SAFB: variants seen among roughly 807,000 people sequenced by gnomAD.
SAFB encodes scaffold attachment factor B.
In SAFB, 15 loss-of-function variants were observed where a neutral mutation model predicts 101.6. The observed-to-expected ratio is 0.15, with a 90% CI of 0.10 to 0.23. SAFB has a LOEUF of 0.23. Ranked by LOEUF, SAFB falls within the 10% of genes least tolerant of loss-of-function variation. The probability of loss-of-function intolerance (pLI) is 1.00; values close to 1 mark genes in which losing one functional copy is unlikely to be tolerated. For synonymous variants in SAFB, 449 were observed against 407.5 expected, an observed-to-expected ratio of 1.10 and a Z score of -1.23; for missense variants, 930 against 1,104.1, an observed-to-expected ratio of 0.84 and a Z score of 2.23.
intron 15 of SAFB, 147 bp downstream of exon 15, chr19:5,661,955 G>C: frequency 1.5e-6 from 1 of 652,918 alleles, no homozygotes; most frequent in Non-Finnish European, 2.6e-6. Flanking sequence ...CCCGATCTTG[G>C]CTCACTGCAA....
intron 2 of SAFB, among the ~76,000 whole-genome samples, chr19:5,639,693 A>C (rs1455558151): frequency 2.9e-5 from 3 of 104,572 alleles, no homozygotes; most frequent in Non-Finnish European, 4.2e-5. Context: ...ACTCCGTCCC[A>C]AAAAAAAAAA....
chr19:5,640,159 G>C (rs1003511022), intron 2 of SAFB, among the ~76,000 whole-genome samples: 5 of 152,154 alleles, frequency 3.3e-5, no homozygotes, highest in African/African-American at 1.2e-4. Context: ...GGCTGGAGCC[G>C]AAGTTTTTAA....
chr19:5,667,775 G>A lies in SAFB; in HGVS notation c.2558-45G>A, dbSNP rs574785996. 11 of 1,602,062 alleles carry A rather than the reference G, an allele frequency of 6.9e-6. No homozygotes were observed. The East Asian group carries it at 8.9e-5, about 13-fold the overall frequency. On this transcript the variant is annotated intron_variant, in intron 19 of 20. Transcript: ENST00000588852. The surrounding 1 kb of genome is among the most constrained non-coding windows in gnomAD (Gnocchi z 4.0). ...GGGCTAAATGTGCCGTGGGTTCCACGCCGTGTGCGCAAGTTCCCTGTGTGA... is the reference window on the plus strand; with the variant it reads ...GGGCTAAATGTGCCGTGGGTTCCACACCGTGTGCGCAAGTTCCCTGTGTGA...
chr19:5,654,503 TTGTA>T (rs775291226), intron 13 of SAFB, 47 bp downstream of exon 13: 122 of 1,148,256 alleles, frequency 1.1e-4, no homozygotes, highest in Non-Finnish European at 1.5e-4. Flanking sequence ...TCTTTTCAGT[TTGTA>T]TTTCTGTGTG....
At chr19:5,641,153 A>T (rs1175737398) in intron 2 of SAFB, among the ~76,000 whole-genome samples, 1 of 152,202 alleles carries the variant, frequency 6.6e-6, no homozygotes, top group African/African-American at 2.4e-5. Context: ...TACAGGCGTA[A>T]GCCATCGCAT....
chr19:5,663,925 C>A, intron 15 of SAFB, 97 bp from the exon 16 acceptor site: 3 of 1,343,106 alleles, frequency 2.2e-6, no homozygotes, highest in Non-Finnish European at 3.1e-6. Flanking sequence ...TGAAAGTCAT[C>A]CTGGTTCTGT....
chr19:5,649,635 G>A (rs552251211), intron 7 of SAFB, 136 bp downstream of exon 7: 4 of 587,124 alleles, frequency 6.8e-6, no homozygotes, highest in Admixed American at 3.3e-5. Context: ...AGAATGTTTC[G>A]TTTCTCTTTG....
At chr19:5,633,329 C>T (rs1244162099) in intron 2 of SAFB, among the ~76,000 whole-genome samples, 2 of 152,162 alleles carry the variant, frequency 1.3e-5, no homozygotes, top group African/African-American at 4.8e-5. Context: ...GACAGGCTCC[C>T]CTGTCATTTC....
intron 17 of SAFB, chr19:5,665,311 C>T (rs2054303718): frequency 2.0e-5 from 3 of 152,138 alleles, no homozygotes; most frequent in Admixed American, 1.3e-4. Context: ...GGTGGAGGAG[C>T]ATACACCAAT....
At chr19:5,644,344 G>A (rs1056121840) in intron 4 of SAFB, among the ~76,000 whole-genome samples, 1 of 152,194 alleles carries the variant, frequency 6.6e-6, no homozygotes, top group East Asian at 1.9e-4. Flanking sequence ...TTTTACTGCA[G>A]TGTAACCATC....
chr19:5,667,051 CCCAGAACGCCATGGAGGA>C lies in SAFB; in HGVS notation c.2346_2363del (p.Gly786_Gly791del). 1 of 1,600,966 alleles carries C rather than the reference CCCAGAACGCCATGGAGGA, an allele frequency of 6.2e-7. No homozygotes were observed. Among genetic ancestry groups the C allele is most frequent in the Non-Finnish European group, 8.6e-7 (1 of 1,168,578 alleles). Reference sequence around the variant, plus strand: ...TCTGGCTCTGTGATGTCCAGCATTACCCAGAACGCCATGGAGGACCAGAGCGCCACGGCCGGGACTCCC... The same window carrying C: ...TCTGGCTCTGTGATGTCCAGCATTACCCAGAGCGCCACGGCCGGGACTCCC... On this transcript the variant is annotated inframe_deletion, in exon 18 of 21. Transcript: ENST00000588852. The surrounding 1 kb of genome is among the most constrained non-coding windows in gnomAD (Gnocchi z 4.0).
intron 8 of SAFB, 96 bp from the exon 9 acceptor site, chr19:5,650,882 G>A: frequency 1.2e-6 from 1 of 822,432 alleles, no homozygotes; most frequent in Admixed American, 2.4e-5. Context: ...ACTGCCTCAG[G>A]AAAAATGGGA....
At chr19:5,661,449 A>C (rs768361280) in intron 14 of SAFB, 69 bp from the exon 15 acceptor site, 2 of 1,585,402 alleles carry the variant, frequency 1.3e-6, no homozygotes, top group African/African-American at 2.7e-5. Context: ...CCAGCGTCTT[A>C]CTTAAAGTCA....
At chr19:5,658,107 C>T (rs1041700116) in intron 14 of SAFB, among the ~76,000 whole-genome samples, 1 of 152,152 alleles carries the variant, frequency 6.6e-6, no homozygotes, top group Non-Finnish European at 1.5e-5. Context: ...AAGCAGTTCT[C>T]CTGCCTCAGC....
chr19:5,652,390 G>A (rs555951262), intron 9 of SAFB, among the ~76,000 whole-genome samples: 236 of 152,250 alleles, frequency 1.6e-3, no homozygotes, highest in African/African-American at 5.5e-3. Context: ...CCTGGAGACT[G>A]TAGTGTCTTG....
chr19:5,667,048 T>G lies in SAFB; in HGVS notation c.2337T>G (p.His779Gln), dbSNP rs748285712. 3.8e-6 allele frequency: 6 copies of G among 1,595,578 alleles called. No homozygotes were observed. Among genetic ancestry groups the G allele is most frequent in the Non-Finnish European group, 4.3e-6 (5 of 1,163,702 alleles). ...RSMMGEREGQ[H>Q]YPERHGGPER... ...CCTTCTGGCTCTGTGATGTCCAGCATTACCCAGAACGCCATGGAGGACCAG... is the reference window on the plus strand; with the variant it reads ...CCTTCTGGCTCTGTGATGTCCAGCAGTACCCAGAACGCCATGGAGGACCAG... The change falls in exon 18 of 21, where the codon CAT becomes CAG. Residue 779 changes from histidine to glutamine, a missense_variant and splice_region_variant. Around this residue, in one of 7 missense-constraint regions of SAFB, gnomAD observed 318 missense variants for 342.6 expected, o/e 0.93. Transcript: ENST00000588852. This position sits in a 1 kb window ranked among gnomAD's most constrained non-coding sequence, Gnocchi z 4.0.
chr19:5,643,494 T>C (rs113635655), intron 4 of SAFB, among the ~76,000 whole-genome samples: 6 of 152,302 alleles, frequency 3.9e-5, no homozygotes, highest in African/African-American at 1.2e-4. Context: ...AAATAGGGTG[T>C]GCAATTTTTG....
chr19:5,648,291 T>A (rs969699351), intron 6 of SAFB: 2 of 516,944 alleles, frequency 3.9e-6, no homozygotes. Context: ...CATGCCTTTT[T>A]GAATATCAAC....
Position 5,623,269 on chromosome 19 carries a change from G to A in SAFB, c.64G>A (p.Ala22Thr). The A allele has an allele frequency of 6.2e-7, 1 of 1,605,354 alleles. No individual in the cohort carries two copies. The highest frequency in any genetic ancestry group is 8.5e-7 in the Non-Finnish European group (1 of 1,176,330). ...GAAGAAALSS[A>T]SSETGTRRLS... The stretch of plus-strand genomic sequence containing the variant: ...GGCGGGCGCGGCGGCTCTGAGCTCC[G>A]CCTCGTCAGAGACCGGGACGCGGCG... Residue 22 changes from alanine to threonine, a missense_variant, in exon 1 of 21, where the codon GCC becomes ACC. By Grantham distance (58) the Ala-to-Thr change is moderately conservative. This residue lies in a region of SAFB where 44 missense variants were observed against 35.8 expected (regional missense o/e 1.23). Transcript: ENST00000588852.
Sources: allele counts gnomAD v4.1 joint callset (sites outside exome capture counted in the v4.1 genomes callset), GRCh38; gene constraint gnomAD v4.1.1; regional missense constraint gnomAD v4.1.1; non-coding constraint Gnocchi (gnomAD v3.1); transcripts MANE v1.5; gene names NCBI Gene and HGNC (gene_info 2026-07-23, HGNC 2026-07-21).